The following FAM171B variants were observed in gnomAD, a reference collection of about 807,000 sequenced individuals.
FAM171B encodes the protein protein FAM171B.
Under a neutral mutation model 75.6 loss-of-function variants are expected in FAM171B, and 19 were observed. The observed-to-expected ratio is 0.25, with a 90% confidence interval of 0.18 to 0.37. The LOEUF (loss-of-function observed/expected upper bound fraction) is 0.37. Among genes scored for constraint, FAM171B ranks in the 10% least tolerant of loss-of-function variants. FAM171B has a pLI of 1.00. For synonymous variants in FAM171B, 367 were observed against 361.7 expected (o/e 1.01, Z -0.17); for missense variants, 848 against 982.4 (o/e 0.86, Z 1.83).
chr2:186,740,230 T>C lies in FAM171B; in HGVS notation c.241T>C (p.Ser81Pro), dbSNP rs779855011. ...AATTTCTACCTTTTTCTCTCCAGTG[T>C]CTGTATTTATGTTGAAAGTCCAGGT... ...GATSTLTVPVSVFMLKVQVND... is the reference protein window; with the variant it reads ...GATSTLTVPVPVFMLKVQVND... The change falls in exon 2 of 8, where the codon TCT (serine) becomes CCT (proline). Residue 81 changes from serine (S) to proline (P), a missense_variant and splice_region_variant. By Grantham distance (74) the Ser-to-Pro change is moderately conservative (BLOSUM62 -1). Transcript: ENST00000304698. The C allele has an allele frequency of 3.7e-6, 6 of 1,612,036 alleles. No homozygotes were observed. Among genetic ancestry groups the C allele is most frequent in the Non-Finnish European group, 5.1e-6 (6 of 1,178,344 alleles).
chr2:186,759,227 C>T (rs1311485771), intron 6 of FAM171B, among the ~76,000 whole-genome samples: 1 of 152,120 alleles, frequency 6.6e-6, no homozygotes, highest in Admixed American at 6.6e-5. Context: ...ACTTTCAAAT[C>T]TTGGCTATTG....
intron 1 of FAM171B, among the ~76,000 whole-genome samples, chr2:186,725,302 C>T (rs187970148): frequency 5.2e-4 from 78 of 151,450 alleles, no homozygotes; most frequent in African/African-American, 1.7e-3. Flanking sequence ...CGAGACCACG[C>T]CACTGCACTC....
At chr2:186,726,130 T>C (rs74651407) in intron 1 of FAM171B, among the ~76,000 whole-genome samples, 24,912 of 152,240 alleles carry the variant, frequency 0.16, 2,178 homozygotes, top group Middle Eastern at 0.25. Flanking sequence ...ATAAAAAGTA[T>C]ATTTTATTTG....
intron 1 of FAM171B, among the ~76,000 whole-genome samples, chr2:186,728,655 T>G (rs1156595865): frequency 6.6e-6 from 1 of 152,232 alleles, no homozygotes; most frequent in Non-Finnish European, 1.5e-5. Context: ...TATAAAATCT[T>G]TTTATTTTAG....
At chr2:186,736,618 C>G (rs114644838) in intron 1 of FAM171B, among the ~76,000 whole-genome samples, 1 of 110,826 alleles carries the variant, frequency 9.0e-6, no homozygotes, top group African/African-American at 3.4e-5. Flanking sequence ...TAACATTTAA[C>G]GTTTTAGACT....
At chr2:186,694,649 A>T (rs1689552953) in intron 1 of FAM171B, among the ~76,000 whole-genome samples, 1 of 151,026 alleles carries the variant, frequency 6.6e-6, no homozygotes, top group East Asian at 2.0e-4. Flanking sequence ...TGGGTTGGAG[A>T]GGGGTCGGGA....
chr2:186,725,997 C>T (rs1690027032), intron 1 of FAM171B, among the ~76,000 whole-genome samples: 1 of 152,170 alleles, frequency 6.6e-6, no homozygotes, highest in South Asian at 2.1e-4. Flanking sequence ...GCTCAGCTCT[C>T]TCATTTGTTC....
chr2:186,694,677 C>T (rs541453228), intron 1 of FAM171B, among the ~76,000 whole-genome samples: 4 of 151,382 alleles, frequency 2.6e-5, no homozygotes, highest in Admixed American at 2.6e-4. Flanking sequence ...GGGTGGGTGA[C>T]TGCCTGGATT....
intron 1 of FAM171B, among the ~76,000 whole-genome samples, chr2:186,739,229 C>T (rs908780432): frequency 6.6e-6 from 1 of 152,070 alleles, no homozygotes; most frequent in Non-Finnish European, 1.5e-5. Flanking sequence ...ATGTGAAGCC[C>T]TAGGACATTA....
chr2:186,723,281 A>G (rs1689981981), intron 1 of FAM171B, among the ~76,000 whole-genome samples: 1 of 152,224 alleles, frequency 6.6e-6, no homozygotes, highest in African/African-American at 2.4e-5. Flanking sequence ...TCTCTCTCAT[A>G]TAGTTTTATC....
intron 1 of FAM171B, among the ~76,000 whole-genome samples, chr2:186,734,953 C>T (rs1456852965): frequency 6.6e-6 from 1 of 152,194 alleles, no homozygotes; most frequent in African/African-American, 2.4e-5. Flanking sequence ...AAAGGCCAGA[C>T]AGTGGAAGCA....
chr2:186,736,567 G>GTGTGTGTGAGA lies in FAM171B; in HGVS notation c.239-3661_239-3660insTGTGTGTGAGA, dbSNP rs55683607. Among the ~76,000 whole-genome samples, 8 of 104,628 alleles carry GTGTGTGTGAGA rather than the reference G, an allele frequency of 7.6e-5. No homozygotes were observed. The East Asian group carries it at 1.9e-3, about 25-fold the overall frequency. The allele number at this position is 104,628 out of a possible 152,430, so 68.6% of individuals were successfully genotyped here. A position where few individuals can be genotyped will look rare whatever the true frequency, so the allele number is the denominator to read the frequency against. On this transcript the variant is annotated intron_variant, in intron 1 of 7. Transcript: ENST00000304698. ...GTGTGTGTGTGTGTGTGTGTGTGTG[G>GTGTGTGTGAGA]GAGAGAGAGAGAGAGAGAGAGAATG...
At chr2:186,697,041 T>TG in intron 1 of FAM171B, among the ~76,000 whole-genome samples, 2 of 151,918 alleles carry the variant, frequency 1.3e-5, no homozygotes, top group Non-Finnish European at 2.9e-5. Context: ...GATGGATGGA[T>TG]GAATGAATGA....
At chr2:186,747,500 T>G (rs905929277) in intron 4 of FAM171B, among the ~76,000 whole-genome samples, 4 of 152,136 alleles carry the variant, frequency 2.6e-5, no homozygotes, top group Non-Finnish European at 5.9e-5. Flanking sequence ...TCTTTTAAAT[T>G]TATTAAATTT....
At chr2:186,698,550 T>A (rs1252874360) in intron 1 of FAM171B, among the ~76,000 whole-genome samples, 1 of 152,192 alleles carries the variant, frequency 6.6e-6, no homozygotes, top group African/African-American at 2.4e-5. Flanking sequence ...GGTGTATATA[T>A]TTATGGGCTA....
At chr2:186,722,234 G>A (rs1007280416) in intron 1 of FAM171B, among the ~76,000 whole-genome samples, 1 of 152,116 alleles carries the variant, frequency 6.6e-6, no homozygotes, top group African/African-American at 2.4e-5. Context: ...CATAGTTTGG[G>A]ACCTGCCCCA....
intron 1 of FAM171B, among the ~76,000 whole-genome samples, chr2:186,714,004 C>T (rs891387313): frequency 1.3e-5 from 2 of 152,128 alleles, no homozygotes; most frequent in South Asian, 2.1e-4. Context: ...TAATGTTCTT[C>T]TTTATGCGAA....
At chr2:186,761,322 A>G in intron 7 of FAM171B, 86 bp downstream of exon 7, 1 of 1,496,432 alleles carries the variant, frequency 6.7e-7, no homozygotes, top group Non-Finnish European at 9.0e-7. Context: ...TTATTTGTAG[A>G]AATAAATTTA....
intron 1 of FAM171B, among the ~76,000 whole-genome samples, chr2:186,697,305 G>A (rs1327994658): frequency 6.6e-6 from 1 of 151,948 alleles, no homozygotes; most frequent in Non-Finnish European, 1.5e-5. Flanking sequence ...TTTGAGACAG[G>A]GTTGAGTGCA....
Sources: gnomAD v4.1 joint callset for allele counts (sites outside exome capture counted in the v4.1 genomes callset) on GRCh38, gnomAD v4.1.1 for gene constraint, MANE v1.5 for transcripts, NCBI Gene and HGNC (gene_info 2026-07-23, HGNC 2026-07-21) for gene names.